IGSF22: variants seen among roughly 807,000 people sequenced by gnomAD.
IGSF22 encodes the protein immunoglobulin superfamily, member 22.
Under a neutral mutation model 127.0 loss-of-function variants are expected in IGSF22, and 119 were observed. The ratio of observed to expected loss-of-function variants is 0.94; its 90% confidence interval spans 0.81 to 1.09. The LOEUF is 1.09. Among genes scored for constraint, IGSF22 ranks in the 50% least tolerant of loss-of-function variants. The probability of loss-of-function intolerance (pLI) is 0.00; values close to 1 mark genes in which losing one functional copy is unlikely to be tolerated. For missense variants in IGSF22, 1,518 were observed against 1,716.6 expected (o/e 0.88, Z 2.04); for synonymous variants, 568 against 664.7 (o/e 0.85, Z 2.24).
chr11:18,705,206 G>T (rs1478466118), intron 22 of IGSF22, among the ~76,000 whole-genome samples: 1 of 152,176 alleles, frequency 6.6e-6, no homozygotes, highest in Non-Finnish European at 1.5e-5. Context: ...AAAGCTGGGG[G>T]AAATTTAAGC....
In IGSF22 at chr11:18,713,968, TC is replaced by T; in HGVS notation, c.1978del (p.Glu660LysfsTer61). The T allele has an allele frequency of 6.2e-7, 1 of 1,614,246 alleles. No homozygotes were observed. The highest frequency in any genetic ancestry group is 1.1e-5 in the South Asian group (1 of 91,084). On this transcript the variant is annotated frameshift_variant, in exon 14 of 23. Transcript: ENST00000513874. LOFTEE classifies it high-confidence loss of function. ...EEERVSMERGEDQALLTISNC... is the reference protein window; with the variant it reads ...EEERVSMERGXDQALLTISNC... ...GGAGATGGTGAGCAGTGCCTGGTCT[TC>T]CCCGCGCTCCATGGACACGCGTTCC...
intron 2 of IGSF22, among the ~76,000 whole-genome samples, chr11:18,723,217 G>A (rs1296603178): frequency 2.0e-5 from 3 of 152,234 alleles, no homozygotes; most frequent in African/African-American, 7.2e-5. Flanking sequence ...ATACCTGATT[G>A]AATGGTCTGG....
At position 18,709,745 on chromosome 11, in the gene IGSF22, C is replaced by G; in HGVS notation, c.2702-62G>C. On this transcript the variant is annotated intron_variant, in intron 17 of 22. Transcript: ENST00000513874. The surrounding 1 kb of genome is among the most constrained non-coding windows in gnomAD (Gnocchi z 4.8). ...TCATCTCCACTCAATGCCTTGCTCA[C>G]TTCCCACACTCAATACTCCTGAACC... 1.3e-6 allele frequency: 2 copies of G among 1,504,582 alleles called. No homozygotes were observed. Among genetic ancestry groups the G allele is most frequent in the South Asian group, 2.5e-5 (2 of 78,600 alleles). The allele number at this position is 1,504,582 out of a possible 1,614,324, so 93.2% of individuals were successfully genotyped here.
intron 2 of IGSF22, among the ~76,000 whole-genome samples, chr11:18,723,765 T>G (rs930229492): frequency 6.6e-6 from 1 of 152,246 alleles, no homozygotes; most frequent in Non-Finnish European, 1.5e-5. Context: ...ATTACTGATA[T>G]GTAGATAAGG....
At position 18,714,106 on chromosome 11, in the gene IGSF22, G is replaced by A. The variant is rs564606497; in HGVS notation, c.1841C>T (p.Ala614Val). ...IDPSVLEALA[A>V]HAITVKVGHT... ...GCCTACCTTCACAGTGATGGCGTGC[G>A]CAGCCAGTGCCTCCAGTACTGACGG... Residue 614 changes from alanine to valine, a missense_variant, in exon 14 of 23, where the codon GCG becomes GTG. Around this residue, in one of 3 missense-constraint regions of IGSF22, gnomAD observed 1,456 missense variants for 1,644.9 expected, o/e 0.89. Transcript: ENST00000513874. 9.3e-6 allele frequency: 15 copies of A among 1,614,156 alleles called. No individual in the cohort carries two copies. The African/African-American group carries it at 9.3e-5, about 10-fold the overall frequency.
At position 18,709,410 on chromosome 11, in the gene IGSF22, C is replaced by T. The variant is rs1848308598; in HGVS notation, c.2975G>A (p.Gly992Glu). 3 of 1,614,056 alleles carry T rather than the reference C, an allele frequency of 1.9e-6. No individual in the cohort carries two copies. The East Asian group carries it at 6.7e-5, about 36-fold the overall frequency. Residue 992 changes from glycine (G) to glutamate (E), a missense_variant, in exon 18 of 23, where the codon GGG (glycine) becomes GAG (glutamate). Around this residue, in one of 3 missense-constraint regions of IGSF22, gnomAD observed 1,456 missense variants for 1,644.9 expected, o/e 0.89. Coordinates refer to ENST00000513874, the MANE Select transcript of IGSF22 (RefSeq NM_173588.4). The surrounding 1 kb of genome is among the most constrained non-coding windows in gnomAD (Gnocchi z 4.8). ...ACCTGGTGGTGGCATGGCACGGACC[C>T]CCTTGTCTAGCTCCACAGGCTCCCC... ...GVGEPVELDK[G>E]VRAMPPPAAP...
chr11:18,712,234 A>G lies in IGSF22; in HGVS notation c.2246T>C (p.Ile749Thr). The change falls in exon 15 of 23, where the codon ATT (isoleucine) becomes ACT (threonine). Residue 749 changes from isoleucine to threonine, a missense_variant. Transcript: ENST00000513874. ...TTTGCCGTCCACCTCGCCTATCTTA[A>G]TCCAGGACTTCTTGCCAACTGCCCT... ...ERRAVGKKSW[I>T]KIGEVDGKVT... The G allele has an allele frequency of 6.4e-7, 1 of 1,551,704 alleles. No homozygotes were observed. Among genetic ancestry groups the G allele is most frequent in the Non-Finnish European group, 8.7e-7 (1 of 1,146,996 alleles).
intron 22 of IGSF22, chr11:18,705,568 C>G: frequency 1.8e-6 from 1 of 550,706 alleles, no homozygotes; most frequent in Non-Finnish European, 3.3e-6. Context: ...GGTCTAGGCT[C>G]ACCAAGAGTT....
chr11:18,712,361 G>A lies in IGSF22; in HGVS notation c.2119C>T (p.Arg707Trp), dbSNP rs1357355150. 4.1e-5 allele frequency: 64 copies of A among 1,551,126 alleles called. No homozygotes were observed. Among genetic ancestry groups the A allele is most frequent in the Non-Finnish European group, 4.9e-5 (56 of 1,146,684 alleles). Residue 707 changes from arginine to tryptophan, a missense_variant, in exon 15 of 23, where the codon CGG becomes TGG. Arg to Trp is a moderately radical substitution (Grantham distance 101). This residue lies in a region of IGSF22 where 1,456 missense variants were observed against 1,644.9 expected (regional missense o/e 0.89). Transcript: ENST00000513874. ...VLDRPKPPQG[R>W]VEFLELSGSC... is the part of the protein sequence containing the mutation. ...CCTGAGAGCTCCAGGAACTCCACCCGGCCCTGTGGAGGCTTTGGACGGTCT... is the reference window on the plus strand; with the variant it reads ...CCTGAGAGCTCCAGGAACTCCACCCAGCCCTGTGGAGGCTTTGGACGGTCT...
intron 10 of IGSF22, 95 bp from the exon 11 acceptor site, chr11:18,715,811 AG>A: frequency 7.6e-7 from 1 of 1,316,414 alleles, no homozygotes; most frequent in Non-Finnish European, 1.1e-6. Flanking sequence ...TTCTGTCCCC[AG>A]AAAACACAAG....
chr11:18,705,078 T>C (rs1848197064), intron 22 of IGSF22, among the ~76,000 whole-genome samples: 1 of 150,826 alleles, frequency 6.6e-6, no homozygotes, highest in African/African-American at 2.4e-5. Context: ...ATAAAAAAGG[T>C]CTGTAACCAT....
intron 20 of IGSF22, 140 bp downstream of exon 20, chr11:18,707,664 T>C (rs1848267460): frequency 3.0e-6 from 2 of 676,658 alleles, no homozygotes; most frequent in East Asian, 5.4e-5. Flanking sequence ...TATGATAAAG[T>C]CTTGCTCTGT....
Position 18,704,452 on chromosome 11 carries a change from TG to T in IGSF22, c.*15del. 1 of 1,538,582 alleles carries T rather than the reference TG, an allele frequency of 6.5e-7. No homozygotes were observed. The highest frequency in any genetic ancestry group is 8.8e-7 in the Non-Finnish European group (1 of 1,135,266). On this transcript the variant is annotated 3_prime_UTR_variant, in exon 23 of 23. Transcript: ENST00000513874. ...CACATCATAACAGCCTCCTGATGCC[TG>T]GGCTTGGCTGGAGCTCACATGAGGT... is the stretch of plus-strand genomic sequence containing the variant.
chr11:18,721,207 T>A (rs1590455793), intron 4 of IGSF22, among the ~76,000 whole-genome samples: 2 of 152,192 alleles, frequency 1.3e-5, no homozygotes, highest in African/African-American at 4.8e-5. Flanking sequence ...ACGCCCACCG[T>A]CTTGGTCCCG....
intron 9 of IGSF22, among the ~76,000 whole-genome samples, chr11:18,717,249 C>A (rs1452202563): frequency 6.6e-6 from 1 of 152,166 alleles, no homozygotes; most frequent in Admixed American, 6.5e-5. Context: ...TTCCAGGCAC[C>A]ATCCTAGCCA....
chr11:18,706,869 A>G, intron 21 of IGSF22, 45 bp downstream of exon 21: 2 of 1,424,544 alleles, frequency 1.4e-6, no homozygotes, highest in Non-Finnish European at 1.9e-6. Flanking sequence ...CATCCCCACC[A>G]TCAGGGCACC....
At chr11:18,721,317 G>A (rs535664990) in intron 4 of IGSF22, among the ~76,000 whole-genome samples, 18 of 152,346 alleles carry the variant, frequency 1.2e-4, no homozygotes, top group African/African-American at 4.3e-4. Context: ...CTCTGCCCCG[G>A]GGGTACTTTG....
chr11:18,719,400 C>G (rs1485893499), intron 7 of IGSF22, among the ~76,000 whole-genome samples: 2 of 151,914 alleles, frequency 1.3e-5, no homozygotes, highest in African/African-American at 4.8e-5. Flanking sequence ...CTCCTGACCT[C>G]AGGTGATCCA....
At chr11:18,705,194 G>A (rs1196468409) in intron 22 of IGSF22, among the ~76,000 whole-genome samples, 1 of 152,174 alleles carries the variant, frequency 6.6e-6, no homozygotes, top group African/African-American at 2.4e-5. Context: ...TACCATGAGA[G>A]GAAAGCTGGG....
Sources: gnomAD v4.1 joint callset for allele counts (sites outside exome capture counted in the v4.1 genomes callset) on GRCh38, gnomAD v4.1.1 for gene constraint, gnomAD v4.1.1 regional missense constraint, Gnocchi (gnomAD v3.1) non-coding constraint, MANE v1.5 for transcripts, NCBI Gene and HGNC (gene_info 2026-07-23, HGNC 2026-07-21) for gene names.